MARVELD1: variants seen among roughly 807,000 people sequenced by gnomAD.
MARVELD1 encodes MARVEL domain-containing protein 1.
A neutral mutation model predicts 11.3 loss-of-function variants in MARVELD1; 7 were observed. The observed-to-expected ratio is 0.62, with a 90% CI of 0.35 to 1.16. The LOEUF (loss-of-function observed/expected upper bound fraction) is 1.16. MARVELD1 is among the 50% of genes most tolerant of loss of function. The pLI, the probability that MARVELD1 is intolerant of heterozygous loss-of-function variation, is 0.02. For missense variants in MARVELD1, 216 were observed against 243.8 expected (o/e 0.89, Z 0.76); for synonymous variants, 119 against 121.4 (o/e 0.98, Z 0.13).
Position 97,714,974 on chromosome 10 carries a change from C to T in MARVELD1, c.*576C>T. ...AGTTTGGTTTTAGCTGGGGATTGTG[C>T]TGGCATCCTGCGAAGCTCCTCCCAG... is the stretch of plus-strand genomic sequence containing the variant. On this transcript the variant is annotated 3_prime_UTR_variant, in exon 1 of 2. Transcript: ENST00000285605. This position sits in a 1 kb window ranked among gnomAD's most constrained non-coding sequence, Gnocchi z 7.4. 6.5e-6 allele frequency: 1 copy of T among 152,862 alleles called. No homozygotes were observed. The highest frequency in any genetic ancestry group is 1.5e-5 in the Non-Finnish European group (1 of 68,454). The allele number at this position is 152,862 out of a possible 1,614,324, so 9.5% of individuals were successfully genotyped here. A position where few individuals can be genotyped will look rare whatever the true frequency, so the allele number is the denominator to read the frequency against.
rs1463604860 is a variant in MARVELD1, at chr10:97,714,771, C to G, written c.*373C>G. 5.2e-6 allele frequency: 1 copy of G among 191,368 alleles called. No homozygotes were observed. Among genetic ancestry groups the G allele is most frequent in the Non-Finnish European group, 1.1e-5 (1 of 94,938 alleles). The allele number at this position is 191,368 out of a possible 1,614,324, so 11.9% of individuals were successfully genotyped here. A position where few individuals can be genotyped will look rare whatever the true frequency, so the allele number is the denominator to read the frequency against. Reference sequence around the variant, plus strand: ...AGACGTGGACAGGGGCCGCGCAGATCCGGGGGAGGCTCCCAAATTGGAACC... The same window carrying G: ...AGACGTGGACAGGGGCCGCGCAGATGCGGGGGAGGCTCCCAAATTGGAACC... On this transcript the variant is annotated 3_prime_UTR_variant, in exon 1 of 2. Coordinates refer to ENST00000285605, the MANE Select transcript of MARVELD1 (RefSeq NM_031484.4). The surrounding 1 kb of genome is among the most constrained non-coding windows in gnomAD (Gnocchi z 7.4).
rs1366193418 is a variant in MARVELD1 at position 97,714,686 on chromosome 10, G to A, written c.*288G>A. ...CGATCCGAGGGGCTGACACACACTC[G>A]CAGACGAGCCGCCCCGAGGCGAAAC... On this transcript the variant is annotated 3_prime_UTR_variant, in exon 1 of 2. Coordinates refer to ENST00000285605, the MANE Select transcript of MARVELD1 (RefSeq NM_031484.4). This position sits in a 1 kb window ranked among gnomAD's most constrained non-coding sequence, Gnocchi z 7.4. 1.5e-5 allele frequency: 6 copies of A among 397,088 alleles called. No individual in the cohort carries two copies. Among genetic ancestry groups the A allele is most frequent in the African/African-American group, 2.1e-5 (1 of 47,304 alleles). 24.6% of individuals were successfully genotyped at this position (397,088 alleles called of 1,614,324 possible).
chr10:97,716,567 T>TA (rs1564788171), intron 1 of MARVELD1, among the ~76,000 whole-genome samples: 1 of 152,152 alleles, frequency 6.6e-6, no homozygotes, highest in Non-Finnish European at 1.5e-5. Flanking sequence ...AGCTTGTTTT[T>TA]AAAGCTTAGG....
rs1291644805 is a variant in MARVELD1, at chr10:97,713,959, G to A, written c.83G>A (p.Arg28His). The change falls in exon 1 of 2, where the codon CGC (arginine) becomes CAC (histidine). Residue 28 changes from arginine (R) to histidine (H), a missense_variant. Coordinates refer to ENST00000285605, the MANE Select transcript of MARVELD1 (RefSeq NM_031484.4). The surrounding 1 kb of genome is among the most constrained non-coding windows in gnomAD (Gnocchi z 5.7). Reference protein sequence around the residue: ...GAVRLQRPFLRSPLGVLRLLQ... With the variant: ...GAVRLQRPFLHSPLGVLRLLQ... The stretch of plus-strand genomic sequence containing the variant: ...GTGCGCCTGCAGCGGCCCTTCCTGC[G>A]CAGCCCGCTGGGCGTGTTGCGGCTG... 6.5e-7 allele frequency: 1 copy of A among 1,529,672 alleles called. No individual in the cohort carries two copies. Among genetic ancestry groups the A allele is most frequent in the Non-Finnish European group, 8.7e-7 (1 of 1,143,510 alleles). 94.8% of individuals were successfully genotyped at this position (1,529,672 alleles called of 1,614,324 possible).
In MARVELD1 at chr10:97,715,430, C is replaced by T. The variant is rs1564787978; in HGVS notation, c.*1032C>T. ...GGTGGGTGAGTCAGGACCCCTGGCT[C>T]AGGAGCCGCCTCTCCTAAAAGAGGG... On this transcript the variant is annotated 3_prime_UTR_variant, in exon 1 of 2. Transcript: ENST00000285605. 1 of 152,372 alleles carries T rather than the reference C, an allele frequency of 6.6e-6. No individual in the cohort carries two copies. Among genetic ancestry groups the T allele is most frequent in the East Asian group, 1.9e-4 (1 of 5,178 alleles). 9.4% of individuals were successfully genotyped at this position (152,372 alleles called of 1,614,324 possible). A position where few individuals can be genotyped will look rare whatever the true frequency, so the allele number is the denominator to read the frequency against.
At position 97,714,663 on chromosome 10, in the gene MARVELD1, AT is replaced by A; in HGVS notation, c.*266del. 2.2e-6 allele frequency: 1 copy of A among 448,836 alleles called. No homozygotes were observed. 27.8% of individuals were successfully genotyped at this position (448,836 alleles called of 1,614,324 possible). A position where few individuals can be genotyped will look rare whatever the true frequency, so the allele number is the denominator to read the frequency against. Reference sequence around the variant, plus strand: ...TCTCCCGGGACAAGCGCAGGCTGCGATCCGAGGGGCTGACACACACTCGCAG... The same window carrying A: ...TCTCCCGGGACAAGCGCAGGCTGCGACCGAGGGGCTGACACACACTCGCAG... On this transcript the variant is annotated 3_prime_UTR_variant, in exon 1 of 2. Transcript: ENST00000285605. This position sits in a 1 kb window ranked among gnomAD's most constrained non-coding sequence, Gnocchi z 7.4.
At position 97,717,564 on chromosome 10, in the gene MARVELD1, A is replaced by C. The variant is rs1359638580; in HGVS notation, c.*1958A>C. 6.6e-6 allele frequency: 1 copy of C among 151,960 alleles called. No homozygotes were observed. Among genetic ancestry groups the C allele is most frequent in the Non-Finnish European group, 1.5e-5 (1 of 68,080 alleles). The allele number at this position is 151,960 out of a possible 1,614,324, so 9.4% of individuals were successfully genotyped here. A position where few individuals can be genotyped will look rare whatever the true frequency, so the allele number is the denominator to read the frequency against. On this transcript the variant is annotated 3_prime_UTR_variant, in exon 2 of 2. Transcript: ENST00000285605. ...TCTTTTTTCCTTTTTTCAGATCACC[A>C]TCTAAGTTACATCTTTAGCTCAGGT...
In MARVELD1 at chr10:97,717,652, C is replaced by A. The variant is rs2041920772; in HGVS notation, c.*2046C>A. On this transcript the variant is annotated 3_prime_UTR_variant, in exon 2 of 2. Transcript: ENST00000285605. Reference sequence around the variant, plus strand: ...CCTGGTGCTGTCTGTGGTCAGGTGACCTTACTCAGGAGCAGATATCTCCTT... The same window carrying A: ...CCTGGTGCTGTCTGTGGTCAGGTGAACTTACTCAGGAGCAGATATCTCCTT... The A allele has an allele frequency of 1.3e-5, 2 of 152,378 alleles. No homozygotes were observed. Among genetic ancestry groups the A allele is most frequent in the African/African-American group, 4.8e-5 (2 of 41,450 alleles). 9.4% of individuals were successfully genotyped at this position (152,378 alleles called of 1,614,324 possible). A position where few individuals can be genotyped will look rare whatever the true frequency, so the allele number is the denominator to read the frequency against.
At chr10:97,716,591 G>C (rs895960619) in intron 1 of MARVELD1, among the ~76,000 whole-genome samples, 5 of 152,166 alleles carry the variant, frequency 3.3e-5, no homozygotes, top group African/African-American at 9.7e-5. Flanking sequence ...ACAGGTGTTA[G>C]CTTTCTCTGT....
chr10:97,716,176 AT>A (rs1051963923), intron 1 of MARVELD1, among the ~76,000 whole-genome samples, 191 bp downstream of exon 1: 1 of 151,826 alleles, frequency 6.6e-6, no homozygotes, highest in African/African-American at 2.4e-5. Flanking sequence ...CTGCTCTTTT[AT>A]TTTTTCTTTC....
intron 1 of MARVELD1, 55 bp downstream of exon 1, chr10:97,716,040 C>T (rs1347155843): frequency 6.6e-6 from 1 of 152,220 alleles, no homozygotes; most frequent in African/African-American, 2.4e-5. Flanking sequence ...ATAAAAAGCA[C>T]AGAGCCTACT....
Position 97,714,129 on chromosome 10 carries a change from G to A in MARVELD1, c.253G>A (p.Glu85Lys). The A allele has an allele frequency of 6.5e-7, 1 of 1,536,940 alleles. No individual in the cohort carries two copies. The highest frequency in any genetic ancestry group is 8.7e-7 in the Non-Finnish European group (1 of 1,146,714). The change falls in exon 1 of 2, where the codon GAG (glutamate) becomes AAG (lysine). Residue 85 changes from glutamate to lysine, a missense_variant. Transcript: ENST00000285605. This position sits in a 1 kb window ranked among gnomAD's most constrained non-coding sequence, Gnocchi z 7.4. Reference sequence around the variant, plus strand: ...CTTCCTCACGCTGCTGGGCAAGCACGAGCTGGTCCCCGTGCTGGGCTCGCG... The same window carrying A: ...CTTCCTCACGCTGCTGGGCAAGCACAAGCTGGTCCCCGTGCTGGGCTCGCG... ...LYFLTLLGKH[E>K]LVPVLGSRWL...
Position 97,714,696 on chromosome 10 carries a change from C to G in MARVELD1, c.*298C>G, listed in dbSNP as rs1420504125. The G allele has an allele frequency of 8.0e-6, 3 of 373,252 alleles. No homozygotes were observed. The highest frequency in any genetic ancestry group is 6.4e-5 in the African/African-American group (3 of 46,894). 23.1% of individuals were successfully genotyped at this position (373,252 alleles called of 1,614,324 possible). A position where few individuals can be genotyped will look rare whatever the true frequency, so the allele number is the denominator to read the frequency against. ...GGCTGACACACACTCGCAGACGAGC[C>G]GCCCCGAGGCGAAACCTCGCGGTTC... On this transcript the variant is annotated 3_prime_UTR_variant, in exon 1 of 2. Coordinates refer to ENST00000285605, the MANE Select transcript of MARVELD1 (RefSeq NM_031484.4). The surrounding 1 kb of genome is among the most constrained non-coding windows in gnomAD (Gnocchi z 7.4).
At position 97,717,667 on chromosome 10, in the gene MARVELD1, G is replaced by A. The variant is rs1013482507; in HGVS notation, c.*2061G>A. The A allele has an allele frequency of 6.6e-6, 1 of 152,390 alleles. No individual in the cohort carries two copies. Among genetic ancestry groups the A allele is most frequent in the Non-Finnish European group, 1.5e-5 (1 of 68,168 alleles). 9.4% of individuals were successfully genotyped at this position (152,390 alleles called of 1,614,324 possible). A position where few individuals can be genotyped will look rare whatever the true frequency, so the allele number is the denominator to read the frequency against. On this transcript the variant is annotated 3_prime_UTR_variant, in exon 2 of 2. Transcript: ENST00000285605. ...GGTCAGGTGACCTTACTCAGGAGCA[G>A]ATATCTCCTTGGCCGCCATGGAGCC...
rs1054093784 is a variant in MARVELD1 at position 97,714,256 on chromosome 10, A to G, written c.380A>G (p.Asn127Ser). ...CAGATGCAGCGCCACAGCTACTGCAACCTCAAGGATTACCCGCTCCCCTGC... is the reference window on the plus strand; with the variant it reads ...CAGATGCAGCGCCACAGCTACTGCAGCCTCAAGGATTACCCGCTCCCCTGC... Reference protein sequence around the residue: ...SDQMQRHSYCNLKDYPLPCAY... With the variant: ...SDQMQRHSYCSLKDYPLPCAY... Residue 127 changes from asparagine (N) to serine (S), a missense_variant, in exon 1 of 2, where the codon AAC becomes AGC. Physicochemically the swap from Asn to Ser is conservative, Grantham distance 46. Transcript: ENST00000285605. This position sits in a 1 kb window ranked among gnomAD's most constrained non-coding sequence, Gnocchi z 7.4. 4.5e-5 allele frequency: 69 copies of G among 1,536,686 alleles called. No homozygotes were observed. Among genetic ancestry groups the G allele is most frequent in the Non-Finnish European group, 5.6e-5 (64 of 1,146,710 alleles).
At position 97,716,253 on chromosome 10, in the gene MARVELD1, T is replaced by C. The variant is rs1005528138; in HGVS notation, c.*1587+268T>C. 7.2e-5 allele frequency among the ~76,000 whole-genome samples: 11 copies of C among 152,304 alleles called. No individual in the cohort carries two copies. The South Asian group carries it at 8.3e-4, about 11-fold the overall frequency. On this transcript the variant is annotated intron_variant, in intron 1 of 1. Coordinates refer to ENST00000285605, the MANE Select transcript of MARVELD1 (RefSeq NM_031484.4). ...ACGCTGGAGTGCAGTGATGTGATTA[T>C]GGCTCAATGCAGTCTCGACCTCCCA...
Position 97,714,415 on chromosome 10 carries a change from C to T in MARVELD1, c.*17C>T, listed in dbSNP as rs2041895784. 4 of 1,474,832 alleles carry T rather than the reference C, an allele frequency of 2.7e-6. No individual in the cohort carries two copies. The highest frequency in any genetic ancestry group is 3.6e-6 in the Non-Finnish European group (4 of 1,118,974). The allele number at this position is 1,474,832 out of a possible 1,614,324, so 91.4% of individuals were successfully genotyped here. On this transcript the variant is annotated 3_prime_UTR_variant, in exon 1 of 2. Coordinates refer to ENST00000285605, the MANE Select transcript of MARVELD1 (RefSeq NM_031484.4). The surrounding 1 kb of genome is among the most constrained non-coding windows in gnomAD (Gnocchi z 7.4). ...GTGGCGTGAGGCCGCCCGCGCCCGC[C>T]GCGGCCCCGATCGGGGCGGGGGAAT...
At position 97,714,393 on chromosome 10, in the gene MARVELD1, G is replaced by C. The variant is rs1275285387; in HGVS notation, c.517G>C (p.Ala173Pro). Reference sequence around the variant, plus strand: ...TCGCTGCCAGGGCAAGCAGGAGGTGGCGTGAGGCCGCCCGCGCCCGCCGCG... The same window carrying C: ...TCGCTGCCAGGGCAAGCAGGAGGTGCCGTGAGGCCGCCCGCGCCCGCCGCG... ...GRRCQGKQEV[A>P] Residue 173 changes from alanine to proline, a missense_variant, in exon 1 of 2, where the codon GCG (alanine) becomes CCG (proline). Physicochemically the swap from Ala to Pro is conservative, Grantham distance 27. Coordinates refer to ENST00000285605, the MANE Select transcript of MARVELD1 (RefSeq NM_031484.4). The surrounding 1 kb of genome is among the most constrained non-coding windows in gnomAD (Gnocchi z 7.4). 6.6e-7 allele frequency: 1 copy of C among 1,505,270 alleles called. No individual in the cohort carries two copies. The highest frequency in any genetic ancestry group is 8.8e-7 in the Non-Finnish European group (1 of 1,135,314). 93.2% of individuals were successfully genotyped at this position (1,505,270 alleles called of 1,614,324 possible).
In MARVELD1 at chr10:97,715,390, T is replaced by A. The variant is rs1453903412; in HGVS notation, c.*992T>A. 1.3e-5 allele frequency: 2 copies of A among 152,184 alleles called. No homozygotes were observed. The highest frequency in any genetic ancestry group is 2.9e-5 in the Non-Finnish European group (2 of 68,064). The allele number at this position is 152,184 out of a possible 1,614,324, so 9.4% of individuals were successfully genotyped here. The stretch of plus-strand genomic sequence containing the variant: ...GGAACCCAGACTTGCAGTCCAGCGC[T>A]GTTTGCATTAAAAGGGTGGGTGAGT... On this transcript the variant is annotated 3_prime_UTR_variant, in exon 1 of 2. Transcript: ENST00000285605.
Sources: gnomAD v4.1 joint callset for allele counts (sites outside exome capture counted in the v4.1 genomes callset) on GRCh38, gnomAD v4.1.1 for gene constraint, Gnocchi (gnomAD v3.1) non-coding constraint, MANE v1.5 for transcripts, NCBI Gene and HGNC (gene_info 2026-07-23, HGNC 2026-07-21) for gene names.